The following CSMD1 variants were observed in gnomAD, a reference collection of about 807,000 sequenced individuals.
CSMD1 encodes CUB and Sushi multiple domains 1.
Under a neutral mutation model 417.5 loss-of-function variants are expected in CSMD1, and 213 were observed. That is an observed-to-expected ratio of 0.51 (90% CI 0.46 to 0.57). The LOEUF (loss-of-function observed/expected upper bound fraction) is 0.57. Among genes scored for constraint, CSMD1 ranks in the 20% least tolerant of loss-of-function variants. CSMD1 has a pLI of 0.00. For synonymous variants in CSMD1, 2,862 were observed against 1,736.8 expected, an observed-to-expected ratio of 1.65 and a Z score of -16.11; for missense variants, 6,923 against 4,529.7, an observed-to-expected ratio of 1.53 and a Z score of -15.17.
At chr8:4,912,135 A>AAAAAAAAAAAGAAAG (rs765904838) in intron 1 of CSMD1, among the ~76,000 whole-genome samples, 1 of 115,612 alleles carries the variant, frequency 8.6e-6, no homozygotes, top group South Asian at 2.9e-4. Flanking sequence ...AAAAAAAAAA[A>AAAAAAAAAAAGAAAG]AAAAAAGAAA....
intron 7 of CSMD1, among the ~76,000 whole-genome samples, chr8:3,672,482 C>T (rs1433571592): frequency 6.6e-6 from 1 of 151,884 alleles, no homozygotes; most frequent in Non-Finnish European, 1.5e-5. Context: ...TGTAGGTCTG[C>T]TGCTATTTCA....
At chr8:3,564,905 G>A (rs756263055) in intron 10 of CSMD1, among the ~76,000 whole-genome samples, 1 of 151,852 alleles carries the variant, frequency 6.6e-6, no homozygotes, top group Non-Finnish European at 1.5e-5. Context: ...GGCACACAGA[G>A]ACAAATATGT....
intron 12 of CSMD1, among the ~76,000 whole-genome samples, chr8:3,461,505 T>A (rs569621937): frequency 6.6e-6 from 1 of 152,150 alleles, no homozygotes; most frequent in Non-Finnish European, 1.5e-5. Context: ...CAGGAGCTGA[T>A]TGAGATCTCT....
chr8:4,573,883 C>G (rs1001487409), intron 2 of CSMD1, among the ~76,000 whole-genome samples: 1 of 152,172 alleles, frequency 6.6e-6, no homozygotes, highest in African/African-American at 2.4e-5. Context: ...GTGGTGCGTT[C>G]TGCCCAGTTC....
At chr8:4,402,950 G>C (rs1341542375) in intron 3 of CSMD1, among the ~76,000 whole-genome samples, 1 of 151,364 alleles carries the variant, frequency 6.6e-6, no homozygotes. Flanking sequence ...CTCCTGAGTA[G>C]CTGGGACTAC....
chr8:3,489,304 C>G (rs1411405400), intron 11 of CSMD1, among the ~76,000 whole-genome samples: 2 of 152,314 alleles, frequency 1.3e-5, no homozygotes, highest in South Asian at 2.1e-4. Flanking sequence ...TAGGCAGAGG[C>G]TACCCTACTT....
chr8:3,364,949 T>A (rs1201246646), intron 20 of CSMD1, among the ~76,000 whole-genome samples: 1 of 152,224 alleles, frequency 6.6e-6, no homozygotes, highest in African/African-American at 2.4e-5. Flanking sequence ...GTAAAATGAA[T>A]AGAATTTGCA....
rs56105258 is a variant in CSMD1, at chr8:4,518,462, T to A, written c.303-98397A>T. Among the ~76,000 whole-genome samples, 320 of 152,244 alleles carry A rather than the reference T, an allele frequency of 2.1e-3. 3 individuals carry two copies. The highest frequency in any genetic ancestry group is 7.3e-3 in the African/African-American group (304 of 41,542). ...AAGACATAAACGTGATATCCTTTAC[T>A]GAGATGAAAACATACCAGTAATATT... On this transcript the variant is annotated intron_variant, in intron 2 of 69. Transcript: ENST00000635120.
intron 5 of CSMD1, among the ~76,000 whole-genome samples, chr8:3,903,832 G>A (rs1807928831): frequency 6.6e-6 from 1 of 152,026 alleles, no homozygotes; most frequent in Non-Finnish European, 1.5e-5. Flanking sequence ...GAGCTCTGAG[G>A]TCTCTTTAGT....
intron 1 of CSMD1, among the ~76,000 whole-genome samples, chr8:4,822,096 C>A (rs1437399536): frequency 3.9e-5 from 6 of 151,938 alleles, no homozygotes; most frequent in Admixed American, 6.6e-5. Context: ...AAAAAAATTA[C>A]CAGAACATTC....
intron 5 of CSMD1, among the ~76,000 whole-genome samples, chr8:3,809,660 G>T (rs1253184248): frequency 6.6e-6 from 1 of 152,160 alleles, no homozygotes; most frequent in Non-Finnish European, 1.5e-5. Flanking sequence ...CTAACATCAG[G>T]TGATGCTGAT....
At chr8:4,937,732 G>A (rs1807718203) in intron 1 of CSMD1, among the ~76,000 whole-genome samples, 2 of 152,064 alleles carry the variant, frequency 1.3e-5, no homozygotes, top group South Asian at 2.1e-4. Flanking sequence ...CCTGAGCAGA[G>A]TAAGATAAGT....
At chr8:3,390,606 T>G (rs996835260) in intron 17 of CSMD1, among the ~76,000 whole-genome samples, 1 of 151,914 alleles carries the variant, frequency 6.6e-6, no homozygotes, top group Non-Finnish European at 1.5e-5. Flanking sequence ...CCTTCTTACT[T>G]GAACCTTAAA....
chr8:3,335,408 T>C (rs1244307591), intron 23 of CSMD1, among the ~76,000 whole-genome samples: 1 of 152,190 alleles, frequency 6.6e-6, no homozygotes, highest in Non-Finnish European at 1.5e-5. Flanking sequence ...CCAGGCATGG[T>C]GGCTCACGCC....
chr8:2,998,850 T>G (rs2128954223), intron 53 of CSMD1, among the ~76,000 whole-genome samples: 1 of 152,350 alleles, frequency 6.6e-6, no homozygotes, highest in Middle Eastern at 3.4e-3. Context: ...ACTGGTGTTT[T>G]CTTCCTCATT....
chr8:4,492,639 T>C (rs1488942852), intron 2 of CSMD1, among the ~76,000 whole-genome samples: 3 of 152,184 alleles, frequency 2.0e-5, no homozygotes, highest in African/African-American at 7.2e-5. Context: ...GTGCCGCCTT[T>C]GGATTTATAT....
At chr8:3,428,919 A>G (rs1814028585) in intron 12 of CSMD1, among the ~76,000 whole-genome samples, 1 of 152,244 alleles carries the variant, frequency 6.6e-6, no homozygotes, top group South Asian at 2.1e-4. Context: ...CACTTTGTTA[A>G]GTAAAGTGAG....
chr8:4,448,704 C>A (rs1798959284), intron 2 of CSMD1, among the ~76,000 whole-genome samples: 1 of 152,134 alleles, frequency 6.6e-6, no homozygotes, highest in East Asian at 1.9e-4. Flanking sequence ...TCTTTTTTGG[C>A]ATTGCCCATT....
intron 5 of CSMD1, among the ~76,000 whole-genome samples, chr8:3,967,657 A>C (rs767709498): frequency 6.6e-6 from 1 of 152,134 alleles, no homozygotes; most frequent in African/African-American, 2.4e-5. Flanking sequence ...CCCTGCCTAC[A>C]ATTGTCCTTG....
Sources: allele counts gnomAD v4.1 joint callset (sites outside exome capture counted in the v4.1 genomes callset), GRCh38; gene constraint gnomAD v4.1.1; transcripts MANE v1.5; gene names NCBI Gene and HGNC (gene_info 2026-07-23, HGNC 2026-07-21).